Variants in ZNF394 observed in about 807,000 individuals in gnomAD.
ZNF394 encodes the protein zinc finger protein 99.
In ZNF394, 19 loss-of-function variants were observed where a neutral mutation model predicts 21.8. That is an observed-to-expected ratio of 0.87 (90% CI 0.61 to 1.28). The LOEUF is 1.28. ZNF394 is among the 50% of genes most tolerant of loss of function. ZNF394 has a pLI of 0.00. For missense variants in ZNF394, 683 were observed against 708.6 expected (o/e 0.96, Z 0.41); for synonymous variants, 294 against 273.3 (o/e 1.08, Z -0.75).
exon 2 of ZNF394, chr7:99,486,756 C>T (rs752292454): frequency 1.3e-5 from 21 of 1,614,088 alleles, no homozygotes; most frequent in Non-Finnish European, 1.4e-5. Flanking sequence ...GCAAACCCTT[C>T]AATCAAAGAT....
rs1358430793 is a variant in ZNF394, at chr7:99,487,586, CA to C, written n.84-624del. 17 of 1,426,490 alleles carry C rather than the reference CA, an allele frequency of 1.2e-5. No individual in the cohort carries two copies. In the East Asian group the frequency reaches 4.0e-4, roughly 33 times the overall value. The allele number at this position is 1,426,490 out of a possible 1,614,324, so 88.4% of individuals were successfully genotyped here. On this transcript the variant is annotated intron_variant and non_coding_transcript_variant, in intron 1 of 1. Transcript: ENST00000462024. The stretch of plus-strand genomic sequence containing the variant: ...TTTCCATGAAAAGCAATAAATGTAA[CA>C]AAGGGTTTTTCTATGGGAGCCATCT...
rs147979874 is a variant in ZNF394, at chr7:99,486,932, G to A, written n.115C>T. The A allele has an allele frequency of 2.4e-4, 380 of 1,614,096 alleles. 2 individuals carry two copies. In the African/African-American group the frequency reaches 4.2e-3, roughly 18 times the overall value. The stretch of plus-strand genomic sequence containing the variant: ...GTCTGTGGGCAAGCCTTCAGACAGC[G>A]GTCAGCTCTTACGGTCCATAAACAG... On this transcript the variant is annotated non_coding_transcript_exon_variant, in exon 2 of 2. Coordinates refer to the ZNF394 transcript ENST00000462024.
At position 99,494,184 on chromosome 7, in the gene ZNF394, C is replaced by T; in HGVS notation, c.1031G>A (p.Ser344Asn). The T allele has an allele frequency of 1.2e-6, 2 of 1,614,230 alleles. No homozygotes were observed. Among genetic ancestry groups the T allele is most frequent in the Non-Finnish European group, 1.7e-6 (2 of 1,180,042 alleles). ...GAGCTGCCTCTGGGTCTCAAAAAGG[C>T]TGGAATGATGGAAACTGTCTCCACT... The part of the protein sequence containing the change: ...SDSGDSFHHS[S>N]LFETQRQLHE... The change falls in exon 3 of 3, where the codon AGC becomes AAC. Residue 344 changes from serine (S) to asparagine (N), a missense_variant. This residue lies in a region of ZNF394 where 274 missense variants were observed against 314.1 expected (regional missense o/e 0.87). Transcript: ENST00000337673.
At chr7:99,487,534 C>G (rs767794051) in intron 1 of ZNF394, 3 of 1,557,754 alleles carry the variant, frequency 1.9e-6, no homozygotes, top group Non-Finnish European at 2.6e-6. Context: ...TTATAAACCT[C>G]TACTTCAAGT....
At chr7:99,492,641 A>C (rs1238269107), downstream of ZNF394, among the ~76,000 whole-genome samples, 3 of 128,522 alleles carry the variant, frequency 2.3e-5, no homozygotes, top group Non-Finnish European at 4.9e-5. Flanking sequence ...CTCCATCTCA[A>C]AAAAAAAAAA....
chr7:99,490,146 C>CT (rs943034221), downstream of ZNF394, among the ~76,000 whole-genome samples: 4,022 of 89,142 alleles, frequency 0.045, 152 homozygotes, highest in African/African-American at 0.073. Context: ...AAAACCTCAT[C>CT]TTTTTTTTTT....
chr7:99,496,691 A>C (rs1800317610), intron 2 of ZNF394, among the ~76,000 whole-genome samples: 1 of 151,918 alleles, frequency 6.6e-6, no homozygotes, highest in Admixed American at 6.6e-5. Flanking sequence ...TGAGATTTAC[A>C]GGCCTGAGCT....
At chr7:99,497,114 G>GTATATATATATA (rs1347859430) in intron 2 of ZNF394, among the ~76,000 whole-genome samples, 5 of 116,620 alleles carry the variant, frequency 4.3e-5, no homozygotes, top group Middle Eastern at 3.8e-3. Context: ...GTGTGTGTGT[G>GTATATATATATA]TGTGTGTGTA....
At position 99,494,490 on chromosome 7, in the gene ZNF394, C is replaced by T. The variant is rs1312906114; in HGVS notation, c.725G>A (p.Arg242Lys). 6.2e-7 allele frequency: 1 copy of T among 1,613,984 alleles called. No individual in the cohort carries two copies. The highest frequency in any genetic ancestry group is 8.5e-7 in the Non-Finnish European group (1 of 1,180,044). The change falls in exon 3 of 3, where the codon AGG becomes AAG. Residue 242 changes from arginine to lysine, a missense_variant. Coordinates refer to ENST00000337673, the MANE Select transcript of ZNF394 (RefSeq NM_032164.4). ...GGGGTCTCCGGACTGCTTTTCCACC[C>T]TGTCCTCATGGGTACTGCCACACTT... ...FSKCGSTHEDRVEKQSGDPLP... is the reference protein window; with the variant it reads ...FSKCGSTHEDKVEKQSGDPLP...
chr7:99,500,066 G>A lies in ZNF394; in HGVS notation c.28C>T (p.Arg10Cys), dbSNP rs372313159. ...GGTCCCAACTCGGCGTCACTGCCGCGCCTCTGGGCGGTCAAGCTGGAATTC... is the reference window on the plus strand; with the variant it reads ...GGTCCCAACTCGGCGTCACTGCCGCACCTCTGGGCGGTCAAGCTGGAATTC... MNSSLTAQRRGSDAELGPWV... is the reference protein window; with the variant it reads MNSSLTAQRCGSDAELGPWV... Residue 10 changes from arginine (R) to cysteine (C), a missense_variant, in exon 1 of 3, where the codon CGC becomes TGC. Physicochemically the swap from Arg to Cys is radical, Grantham distance 180. Transcript: ENST00000337673. The A allele has an allele frequency of 1.1e-4, 173 of 1,572,558 alleles. 1 individual carries two copies. The highest frequency in any genetic ancestry group is 1.0e-3 in the East Asian group (45 of 44,558).
chr7:99,489,274 A>C (rs1800109026), downstream of ZNF394, among the ~76,000 whole-genome samples: 1 of 148,292 alleles, frequency 6.7e-6, no homozygotes, highest in African/African-American at 2.5e-5. Flanking sequence ...ACAGAGTAAG[A>C]CTCCATCTCA....
Position 99,499,710 on chromosome 7 carries a change from G to A in ZNF394, c.384C>T (p.Cys128=), listed in dbSNP as rs927611191. ...EELQAWVREH[C]PESGEEAVAV... ...CCACCGCCTCCTCCCCGCTCTCTGGGCAGTGCTCTCGCACCCAGGCTTGAA... is the reference window on the plus strand; with the variant it reads ...CCACCGCCTCCTCCCCGCTCTCTGGACAGTGCTCTCGCACCCAGGCTTGAA... The change falls in exon 1 of 3, where the codon TGC becomes TGT. Residue 128 remains cysteine (C), a synonymous_variant. Transcript: ENST00000337673. 6.2e-6 allele frequency: 10 copies of A among 1,613,500 alleles called. No homozygotes were observed. Among genetic ancestry groups the A allele is most frequent in the Non-Finnish European group, 6.8e-6 (8 of 1,180,020 alleles).
At chr7:99,495,669 G>A (rs895729453) in intron 2 of ZNF394, among the ~76,000 whole-genome samples, 53 of 151,932 alleles carry the variant, frequency 3.5e-4, no homozygotes, top group African/African-American at 1.3e-3. Context: ...TGCCAAGGCT[G>A]GAGTGCAGTG....
In ZNF394 at chr7:99,486,913, G is replaced by A. The variant is rs1458108700; in HGVS notation, n.134C>T. 15 of 1,614,052 alleles carry A rather than the reference G, an allele frequency of 9.3e-6. No homozygotes were observed. Among genetic ancestry groups the A allele is most frequent in the Non-Finnish European group, 1.3e-5 (15 of 1,180,050 alleles). On this transcript the variant is annotated non_coding_transcript_exon_variant, in exon 2 of 2. Coordinates refer to the ZNF394 transcript ENST00000462024. The stretch of plus-strand genomic sequence containing the variant: ...GAATCCTTTTGAGTGTAAGGTCTGT[G>A]GGCAAGCCTTCAGACAGCGGTCAGC...
downstream of ZNF394, among the ~76,000 whole-genome samples, chr7:99,491,870 C>A (rs549886653): frequency 3.3e-4 from 49 of 150,668 alleles, 2 homozygotes; most frequent in South Asian, 0.01. Flanking sequence ...GTCAGGAGAT[C>A]CAGACCATCC....
downstream of ZNF394, among the ~76,000 whole-genome samples, chr7:99,490,088 G>A (rs1190808971): frequency 6.6e-6 from 1 of 151,848 alleles, no homozygotes; most frequent in South Asian, 2.1e-4. Context: ...GCTGAGGCAG[G>A]TGGATCACTT....
Position 99,500,044 on chromosome 7 carries a change from C to A in ZNF394, c.50G>T (p.Gly17Val). 6.3e-7 allele frequency: 1 copy of A among 1,591,642 alleles called. No homozygotes were observed. The highest frequency in any genetic ancestry group is 8.5e-7 in the Non-Finnish European group (1 of 1,172,420). Residue 17 changes from glycine to valine, a missense_variant, in exon 1 of 3, where the codon GGA becomes GTA. Gly to Val is a moderately radical substitution (Grantham distance 109). Coordinates refer to ENST00000337673, the MANE Select transcript of ZNF394 (RefSeq NM_032164.4). ...GGACCTCGCAGCCATCACCCAGGGT[C>A]CCAACTCGGCGTCACTGCCGCGCCT... ...AQRRGSDAEL[G>V]PWVMAARSKD...
intron 1 of ZNF394, chr7:99,487,367 G>C (rs768647371): frequency 5.6e-6 from 9 of 1,614,158 alleles, no homozygotes; most frequent in South Asian, 2.2e-5. Flanking sequence ...AATCTTTTTC[G>C]ACATCAGGTC....
chr7:99,487,793 C>A (rs890641522), intron 1 of ZNF394, among the ~76,000 whole-genome samples: 1 of 151,432 alleles, frequency 6.6e-6, no homozygotes, highest in South Asian at 2.1e-4. Context: ...AAAGAAAGGG[C>A]TGGGCGCGGT....
Sources: gnomAD v4.1 joint callset for allele counts (sites outside exome capture counted in the v4.1 genomes callset) on GRCh38, gnomAD v4.1.1 for gene constraint, gnomAD v4.1.1 regional missense constraint, MANE v1.5 for transcripts, NCBI Gene and HGNC (gene_info 2026-07-23, HGNC 2026-07-21) for gene names.